Variants in ERC2 observed in about 807,000 individuals in gnomAD.
The protein encoded by ERC2 is ELKS/RAB6-interacting/CAST family member 2.
ERC2 carries 42 observed loss-of-function variants against 114.8 expected under a neutral mutation model. The observed-to-expected ratio is 0.37, with a 90% confidence interval of 0.29 to 0.47. The LOEUF (loss-of-function observed/expected upper bound fraction) is 0.47. Among genes scored for constraint, ERC2 ranks in the 20% least tolerant of loss-of-function variants. The probability of loss-of-function intolerance (pLI) is 0.99; values close to 1 mark genes in which losing one functional copy is unlikely to be tolerated. For missense variants in ERC2, 939 were observed against 1,150.7 expected (o/e 0.82, Z 2.66); for synonymous variants, 454 against 425.5 (o/e 1.07, Z -0.82).
chr3:55,879,099 A>ATTTTTTTTTTTTTTTT (rs3047064), intron 14 of ERC2, among the ~76,000 whole-genome samples: 8 of 127,780 alleles, frequency 6.3e-5, no homozygotes, highest in East Asian at 4.4e-4. Context: ...CTTTTTCTTA[A>ATTTTTTTTTTTTTTTT]TTTTTTTTTT....
At chr3:56,427,994 C>T (rs1031424681) in intron 2 of ERC2, among the ~76,000 whole-genome samples, 1 of 152,246 alleles carries the variant, frequency 6.6e-6, no homozygotes, top group Admixed American at 6.5e-5. Context: ...GTGTTATCTC[C>T]CTGCACACAC....
intron 6 of ERC2, among the ~76,000 whole-genome samples, chr3:56,108,178 G>T (rs1057397137): frequency 1.3e-5 from 2 of 152,042 alleles, no homozygotes; most frequent in Non-Finnish European, 2.9e-5. Flanking sequence ...GTATTATTTA[G>T]TAAAATGCAA....
At chr3:56,111,219 A>G (rs1462231763) in intron 6 of ERC2, among the ~76,000 whole-genome samples, 1 of 149,630 alleles carries the variant, frequency 6.7e-6, no homozygotes, top group African/African-American at 2.4e-5. Flanking sequence ...GCCAAGACCA[A>G]TTCGTAGTTT....
intron 2 of ERC2, among the ~76,000 whole-genome samples, chr3:56,417,538 G>A (rs1478959118): frequency 6.6e-6 from 1 of 152,104 alleles, no homozygotes; most frequent in African/African-American, 2.4e-5. Context: ...ATCTGAACTT[G>A]GTTTCAAGAG....
chr3:55,566,819 C>T (rs1459643483), intron 17 of ERC2, among the ~76,000 whole-genome samples: 2 of 152,032 alleles, frequency 1.3e-5, no homozygotes, highest in East Asian at 3.9e-4. Flanking sequence ...TCACCTTAGC[C>T]TCCTGAGCAG....
intron 2 of ERC2, among the ~76,000 whole-genome samples, chr3:56,413,594 CT>C (rs1367714855): frequency 6.6e-6 from 1 of 152,166 alleles, no homozygotes; most frequent in Non-Finnish European, 1.5e-5. Flanking sequence ...TGGTCAGACA[CT>C]GGGGAGAGGA....
intron 7 of ERC2, among the ~76,000 whole-genome samples, chr3:56,030,701 T>A (rs536154491): frequency 6.6e-6 from 1 of 152,228 alleles, no homozygotes; most frequent in Non-Finnish European, 1.5e-5. Flanking sequence ...GAGTTTCCAG[T>A]GCTAATCCTC....
At chr3:56,297,376 C>G (rs532434525) in intron 2 of ERC2, among the ~76,000 whole-genome samples, 1 of 152,148 alleles carries the variant, frequency 6.6e-6, no homozygotes, top group East Asian at 1.9e-4. Context: ...CTCACTGACC[C>G]AGAAACAGAA....
chr3:55,640,800 A>T (rs1383751368), intron 17 of ERC2, among the ~76,000 whole-genome samples: 1 of 152,168 alleles, frequency 6.6e-6, no homozygotes, highest in East Asian at 1.9e-4. Flanking sequence ...GCCCTGTAGG[A>T]GACGTTCTTT....
intron 13 of ERC2, among the ~76,000 whole-genome samples, chr3:55,938,124 A>G (rs1257988129): frequency 6.6e-6 from 1 of 152,138 alleles, no homozygotes; most frequent in Non-Finnish European, 1.5e-5. Flanking sequence ...ACAGGGCATG[A>G]GAGAGAAGCA....
At chr3:56,021,087 T>C (rs1327736852) in intron 7 of ERC2, among the ~76,000 whole-genome samples, 3 of 152,126 alleles carry the variant, frequency 2.0e-5, no homozygotes, top group Non-Finnish European at 2.9e-5. Context: ...ATGTATTTAT[T>C]GAGCTAGGGA....
intron 12 of ERC2, among the ~76,000 whole-genome samples, chr3:55,964,096 T>G (rs144044097): frequency 3.0e-3 from 460 of 152,372 alleles, no homozygotes; most frequent in Non-Finnish European, 5.2e-3. Flanking sequence ...AAAACATTGT[T>G]AAGTAATAAA....
chr3:56,296,374 T>A lies in ERC2; in HGVS notation c.719A>T (p.His240Leu). The change falls in exon 3 of 18, where the codon CAC (histidine) becomes CTC (leucine). Residue 240 changes from histidine (H) to leucine (L), a missense_variant. Physicochemically the swap from His to Leu is moderately conservative, Grantham distance 99. Transcript: ENST00000288221. ...GTTGCCACTCTCTTGCTGGAGGAGG[T>A]GGTTGAGGTCTCTCTGGGTTCGCAG... ...DELRTQRDLN[H>L]LLQQESGNRG... is the part of the protein sequence containing the mutation. 1 of 1,613,756 alleles carries A rather than the reference T, an allele frequency of 6.2e-7. No individual in the cohort carries two copies. The highest frequency in any genetic ancestry group is 1.1e-5 in the South Asian group (1 of 91,052).
At chr3:56,153,489 A>T (rs2081539309) in intron 4 of ERC2, among the ~76,000 whole-genome samples, 1 of 152,204 alleles carries the variant, frequency 6.6e-6, no homozygotes, top group Non-Finnish European at 1.5e-5. Context: ...AATGCAGAAG[A>T]CACTAGGGTA....
intron 3 of ERC2, among the ~76,000 whole-genome samples, chr3:56,265,477 G>A (rs1372303129): frequency 6.6e-6 from 1 of 152,018 alleles, no homozygotes; most frequent in Non-Finnish European, 1.5e-5. Flanking sequence ...AGACCTAAAA[G>A]TAAGACCTGA....
chr3:56,311,645 G>C (rs7618996), intron 2 of ERC2, among the ~76,000 whole-genome samples: 2,803 of 151,908 alleles, frequency 0.018, 94 homozygotes, highest in African/African-American at 0.061. Flanking sequence ...TTATTCTCTA[G>C]CAATTTTGAA....
intron 2 of ERC2, among the ~76,000 whole-genome samples, chr3:56,414,776 C>T (rs997676203): frequency 6.6e-6 from 1 of 151,728 alleles, no homozygotes; most frequent in African/African-American, 2.4e-5. Flanking sequence ...CCCTTCCACT[C>T]TCTCTCTCTC....
intron 14 of ERC2, among the ~76,000 whole-genome samples, chr3:55,810,511 G>A (rs868770996): frequency 6.0e-5 from 9 of 148,872 alleles, no homozygotes; most frequent in South Asian, 2.1e-4. Context: ...TTGCCCAGCC[G>A]AAATGCAATG....
chr3:56,026,276 C>T (rs1364249046), intron 7 of ERC2, among the ~76,000 whole-genome samples: 1 of 152,028 alleles, frequency 6.6e-6, no homozygotes, highest in East Asian at 1.9e-4. Context: ...TCTCAAACTC[C>T]TGACTCCAAG....
Sources: gnomAD v4.1 joint callset for allele counts (sites outside exome capture counted in the v4.1 genomes callset) on GRCh38, gnomAD v4.1.1 for gene constraint, MANE v1.5 for transcripts, NCBI Gene and HGNC (gene_info 2026-07-23, HGNC 2026-07-21) for gene names.